ADAM28: variants seen among roughly 807,000 people sequenced by gnomAD.
The protein encoded by ADAM28 is ADAM metallopeptidase domain 28, also known as disintegrin and metalloproteinase domain-containing protein 28.
A neutral mutation model predicts 101.2 loss-of-function variants in ADAM28; 105 were observed. The observed-to-expected ratio is 1.04, with a 90% CI of 0.89 to 1.22. ADAM28 has a LOEUF of 1.22. Among genes scored for constraint, ADAM28 ranks in the 50% most tolerant of loss-of-function variants. The probability of loss-of-function intolerance (pLI) is 0.00; values close to 1 mark genes in which losing one functional copy is unlikely to be tolerated. For synonymous variants in ADAM28, 322 were observed against 310.6 expected (o/e 1.04, Z -0.39); for missense variants, 1,028 against 945.4 (o/e 1.09, Z -1.15).
chr8:24,305,444 G>A (rs1809449248), intron 2 of ADAM28, among the ~76,000 whole-genome samples: 1 of 126,198 alleles, frequency 7.9e-6, no homozygotes, highest in Non-Finnish European at 1.7e-5. Context: ...AAATTTTTAA[G>A]AGGTTTCTTT....
At chr8:24,344,320 A>G (rs927020140) in intron 18 of ADAM28, among the ~76,000 whole-genome samples, 5 of 152,028 alleles carry the variant, frequency 3.3e-5, no homozygotes, top group African/African-American at 1.2e-4. Flanking sequence ...TCATCATCTC[A>G]TTGACGCTCC....
Position 24,341,710 on chromosome 8 carries a change from C to A in ADAM28, c.1783C>A (p.Gln595Lys). ...CKTFDPEDTS[Q>K]EIGMVANGTK... ...AACATTTGATCCTGAAGACACAAGT[C>A]AAGAAATAGGCATGGTGGCCAATGG... The change falls in exon 16 of 23, where the codon CAA becomes AAA. Residue 595 changes from glutamine to lysine, a missense_variant. By Grantham distance (53) the Gln-to-Lys change is moderately conservative (BLOSUM62 1). Transcript: ENST00000265769. 6.2e-7 allele frequency: 1 copy of A among 1,613,822 alleles called. No individual in the cohort carries two copies. Among genetic ancestry groups the A allele is most frequent in the Non-Finnish European group, 8.5e-7 (1 of 1,179,832 alleles).
chr8:24,328,620 A>T lies in ADAM28; in HGVS notation c.973-1365A>T, dbSNP rs1038942385. Among the ~76,000 whole-genome samples the T allele has an allele frequency of 7.9e-5, 12 of 152,182 alleles. No homozygotes were observed. The South Asian group carries it at 1.9e-3, about 24-fold the overall frequency. On this transcript the variant is annotated intron_variant, in intron 10 of 22. Transcript: ENST00000265769. ...AGGAATTCATAACAGATGATCGTTG[A>T]TGAATATTAACATAGTCAGGAAAAG...
chr8:24,346,940 C>T (rs1438767022), intron 18 of ADAM28: 1 of 152,078 alleles, frequency 6.6e-6, no homozygotes, highest in Non-Finnish European at 1.5e-5. Flanking sequence ...AACACAGCTT[C>T]CCTCACTATC....
chr8:24,326,348 A>C (rs574994258), intron 9 of ADAM28, among the ~76,000 whole-genome samples: 4 of 152,046 alleles, frequency 2.6e-5, no homozygotes, highest in Non-Finnish European at 5.9e-5. Context: ...ATTCAACATA[A>C]TTCTATCTAG....
intron 2 of ADAM28, among the ~76,000 whole-genome samples, chr8:24,305,127 T>C (rs1342097410): frequency 1.3e-5 from 2 of 152,078 alleles, no homozygotes; most frequent in Non-Finnish European, 2.9e-5. Context: ...TTTAATGGAT[T>C]TCTTGCTACT....
rs763920126 is a variant in ADAM28 at position 24,323,906 on chromosome 8, A to T, written c.793A>T (p.Ile265Leu). 8 of 1,612,218 alleles carry T rather than the reference A, an allele frequency of 5.0e-6. No individual in the cohort carries two copies. The African/African-American group carries it at 1.1e-4, about 22-fold the overall frequency. Residue 265 changes from isoleucine to leucine, a missense_variant, in exon 9 of 23, where the codon ATA (isoleucine) becomes TTA (leucine). By Grantham distance (5) the Ile-to-Leu change is conservative. Transcript: ENST00000265769. ...EIWTDKDKIKITPNASFTLEN... is the reference protein window; with the variant it reads ...EIWTDKDKIKLTPNASFTLEN... ...CTGGACTGACAAGGATAAGATAAAGATAACCCCAAATGCAAGCTTCACCTT... is the reference window on the plus strand; with the variant it reads ...CTGGACTGACAAGGATAAGATAAAGTTAACCCCAAATGCAAGCTTCACCTT...
rs1353737103 is a variant in ADAM28, at chr8:24,310,196, T to C, written c.261T>C (p.Tyr87=). The C allele has an allele frequency of 6.2e-7, 1 of 1,613,510 alleles. No individual in the cohort carries two copies. Among genetic ancestry groups the C allele is most frequent in the Non-Finnish European group, 8.5e-7 (1 of 1,179,624 alleles). ...TTGCACCAGGCTACACGGAAACATATTATAATTCCACTGGAAAGGAGATCA... is the reference window on the plus strand; with the variant it reads ...TTGCACCAGGCTACACGGAAACATACTATAATTCCACTGGAAAGGAGATCA... ...NLLAPGYTET[Y]YNSTGKEITT... is the part of the protein sequence containing the mutation. The change falls in exon 4 of 23, where the codon TAT becomes TAC. Residue 87 remains tyrosine, a synonymous_variant. Coordinates refer to ENST00000265769, the MANE Select transcript of ADAM28 (RefSeq NM_014265.6).
chr8:24,343,251 C>G, intron 17 of ADAM28, 70 bp downstream of exon 17: 1 of 1,543,184 alleles, frequency 6.5e-7, no homozygotes, highest in Non-Finnish European at 8.9e-7. Flanking sequence ...CATAAGAAAG[C>G]TAAAGGAATA....
At position 24,327,344 on chromosome 8, in the gene ADAM28, A is replaced by G. The variant is rs1426539674; in HGVS notation, c.972+709A>G. On this transcript the variant is annotated intron_variant, in intron 10 of 22. Coordinates refer to ENST00000265769, the MANE Select transcript of ADAM28 (RefSeq NM_014265.6). ...ATACAATTTACAAGGGATATGAAGG[A>G]CCTCTTCAAGGAGAACTACAAACCA... Among the ~76,000 whole-genome samples the G allele has an allele frequency of 2.6e-5, 4 of 152,202 alleles. No individual in the cohort carries two copies. The East Asian group carries it at 7.8e-4, about 30-fold the overall frequency.
chr8:24,354,921 A>T lies in ADAM28; in HGVS notation c.*517A>T, dbSNP rs1308033126. 6.6e-6 allele frequency: 1 copy of T among 152,540 alleles called. No individual in the cohort carries two copies. 9.4% of individuals were successfully genotyped at this position (152,540 alleles called of 1,614,324 possible). ...TTAGCTATATCATTTGAGGTTTTCT[A>T]CAATTTGGTATAACTAAGAATTTAA... On this transcript the variant is annotated 3_prime_UTR_variant, in exon 23 of 23. Transcript: ENST00000265769.
intron 18 of ADAM28, among the ~76,000 whole-genome samples, chr8:24,345,246 C>T (rs925206788): frequency 5.3e-5 from 8 of 151,708 alleles, no homozygotes; most frequent in African/African-American, 1.9e-4. Context: ...TTTTTTCTTC[C>T]ATTGAAGAAA....
rs781283001 is a variant in ADAM28, at chr8:24,299,949, GTCTTT to G, written c.47-18_47-14del. The G allele has an allele frequency of 1.9e-6, 3 of 1,582,384 alleles. No individual in the cohort carries two copies. Among genetic ancestry groups the G allele is most frequent in the Non-Finnish European group, 2.6e-6 (3 of 1,162,300 alleles). On this transcript the variant is annotated intron_variant, in intron 1 of 22. Transcript: ENST00000265769. ...GCCTACTTCAGTTCTACCTGGATAA[GTCTTT>G]TCTTTTTCTTTTTTCTCAGTAAGTG... is the stretch of plus-strand genomic sequence containing the variant.
Position 24,332,668 on chromosome 8 carries a change from C to A in ADAM28, c.1290C>A (p.Thr430=). The A allele has an allele frequency of 6.7e-7, 1 of 1,499,002 alleles. No homozygotes were observed. The allele number at this position is 1,499,002 out of a possible 1,614,324, so 92.9% of individuals were successfully genotyped here. The change falls in exon 13 of 23, where the codon ACC becomes ACA. Residue 430 remains threonine, a synonymous_variant. Coordinates refer to ENST00000265769, the MANE Select transcript of ADAM28 (RefSeq NM_014265.6). ...TTTCTCATATTTCTTAGGAATGTAC[C>A]AATATTTGCTGTGATGCTAAGACAT... ...DCDCGTSEEC[T]NICCDAKTCK...
intron 17 of ADAM28, 75 bp from the exon 18 acceptor site, chr8:24,343,431 T>G (rs1484593397): frequency 6.8e-7 from 1 of 1,460,548 alleles, no homozygotes; most frequent in Non-Finnish European, 9.6e-7. Context: ...CTGCATGAAC[T>G]TTATTATGGA....
At chr8:24,312,590 A>G (rs759928114) in intron 5 of ADAM28, among the ~76,000 whole-genome samples, 1 of 151,834 alleles carries the variant, frequency 6.6e-6, no homozygotes, top group African/African-American at 2.4e-5. Flanking sequence ...CAGTCTGTCT[A>G]TTATATCTCT....
At chr8:24,307,398 T>C (rs1809842308) in intron 2 of ADAM28, among the ~76,000 whole-genome samples, 1 of 152,338 alleles carries the variant, frequency 6.6e-6, no homozygotes, top group African/African-American at 2.4e-5. Context: ...TGTGACGTCA[T>C]CTTTCTGACT....
rs757092964 is a variant in ADAM28 at position 24,351,239 on chromosome 8, TCTACCACTGGCACCAGGCCA to T, written c.2109_2128del (p.Thr704GlnfsTer26). On this transcript the variant is annotated frameshift_variant, in exon 20 of 23. Coordinates refer to ENST00000265769, the MANE Select transcript of ADAM28 (RefSeq NM_014265.6). LOFTEE classifies it high-confidence loss of function. ...TGTGTTTCTCTCTTACAGGCCACTA[TCTACCACTGGCACCAGGCCA>T]CACAAACAGAAGAGGAAACCCCAGA... The T allele has an allele frequency of 4.4e-6, 7 of 1,600,628 alleles. No homozygotes were observed. Among genetic ancestry groups the T allele is most frequent in the Non-Finnish European group, 6.0e-6 (7 of 1,174,218 alleles).
chr8:24,296,642 C>G (rs959278775), intron 1 of ADAM28, among the ~76,000 whole-genome samples: 1 of 152,160 alleles, frequency 6.6e-6, no homozygotes, highest in Non-Finnish European at 1.5e-5. Flanking sequence ...AGACTCAAAA[C>G]AGTCAAAAAT....
Sources: gnomAD v4.1 joint callset for allele counts (sites outside exome capture counted in the v4.1 genomes callset) on GRCh38, gnomAD v4.1.1 for gene constraint, MANE v1.5 for transcripts, NCBI Gene and HGNC (gene_info 2026-07-23, HGNC 2026-07-21) for gene names.